The following GRB14 variants were observed in gnomAD, a reference collection of about 807,000 sequenced individuals.
GRB14 encodes growth factor receptor bound protein 14.
GRB14 carries 38 observed loss-of-function variants against 69.1 expected under a neutral mutation model. The observed-to-expected ratio is 0.55, with a 90% CI of 0.42 to 0.72. The LOEUF is 0.72. Among genes scored for constraint, GRB14 ranks in the 30% least tolerant of loss-of-function variants. GRB14 has a pLI of 0.00. For synonymous variants in GRB14, 247 were observed against 241.3 expected (o/e 1.02, Z -0.22); for missense variants, 666 against 666.1 (o/e 1.00, Z 0.00).
At chr2:164,588,592 A>G (rs1689589435) in intron 2 of GRB14, among the ~76,000 whole-genome samples, 1 of 152,214 alleles carries the variant, frequency 6.6e-6, no homozygotes, top group South Asian at 2.1e-4. Context: ...TAACTATGCA[A>G]TAATTATGCT....
intron 2 of GRB14, among the ~76,000 whole-genome samples, chr2:164,578,522 G>GCACACACACACACA (rs61283767): frequency 6.9e-6 from 1 of 145,588 alleles, no homozygotes; most frequent in African/African-American, 2.5e-5. Context: ...CAATTCGCGC[G>GCACACACACACACA]CACACACACA....
At chr2:164,570,916 C>A (rs1463714347) in intron 2 of GRB14, among the ~76,000 whole-genome samples, 2 of 152,154 alleles carry the variant, frequency 1.3e-5, no homozygotes, top group Non-Finnish European at 2.9e-5. Flanking sequence ...CTTCAGAACA[C>A]TGGAAAACTA....
At chr2:164,504,677 T>C (rs532982449) in intron 8 of GRB14, among the ~76,000 whole-genome samples, 24 of 152,254 alleles carry the variant, frequency 1.6e-4, no homozygotes, top group African/African-American at 5.3e-4. Context: ...TTCGCCATTA[T>C]TGAAATGAAC....
At chr2:164,606,244 A>G (rs996963523) in intron 2 of GRB14, among the ~76,000 whole-genome samples, 1 of 152,188 alleles carries the variant, frequency 6.6e-6, no homozygotes, top group Non-Finnish European at 1.5e-5. Flanking sequence ...GAGGAGGTCC[A>G]TCATTCCACA....
At chr2:164,542,491 C>G (rs1688266174) in intron 3 of GRB14, among the ~76,000 whole-genome samples, 1 of 152,082 alleles carries the variant, frequency 6.6e-6, no homozygotes, top group Non-Finnish European at 1.5e-5. Flanking sequence ...AAAATATTTG[C>G]AAACTATGCA....
chr2:164,617,959 T>TTG (rs760744590), intron 2 of GRB14, among the ~76,000 whole-genome samples: 2,122 of 77,008 alleles, frequency 0.028, 431 homozygotes, highest in Non-Finnish European at 0.043. Context: ...ATCTTTTTTT[T>TTG]GGGGGGGGGG....
intron 2 of GRB14, among the ~76,000 whole-genome samples, chr2:164,594,892 T>C (rs1689748347): frequency 6.6e-6 from 1 of 152,176 alleles, no homozygotes; most frequent in South Asian, 2.1e-4. Context: ...AGGTCAGACT[T>C]TACAGTAAAC....
chr2:164,503,376 T>C (rs921009286), intron 8 of GRB14, among the ~76,000 whole-genome samples: 1 of 142,566 alleles, frequency 7.0e-6, no homozygotes, highest in African/African-American at 2.6e-5. Flanking sequence ...GCTGTTTTTC[T>C]ACTAAAGAAA....
At chr2:164,577,110 G>T (rs753857674) in intron 2 of GRB14, among the ~76,000 whole-genome samples, 9 of 152,156 alleles carry the variant, frequency 5.9e-5, no homozygotes, top group Non-Finnish European at 1.3e-4. Flanking sequence ...AAGAAAGACA[G>T]TTGTCAAAGA....
chr2:164,586,209 G>C (rs1689535624), intron 2 of GRB14, among the ~76,000 whole-genome samples: 1 of 152,188 alleles, frequency 6.6e-6, no homozygotes, highest in South Asian at 2.1e-4. Context: ...ATAGATCTGG[G>C]AAGCATAGAG....
chr2:164,573,660 C>G, intron 2 of GRB14: 1 of 1,564,592 alleles, frequency 6.4e-7, no homozygotes, highest in Non-Finnish European at 8.7e-7. Context: ...CTTTATGGTT[C>G]TTCAGTAGAA....
In GRB14 at chr2:164,621,426, G is replaced by T; in HGVS notation, c.-117C>A. The T allele has an allele frequency of 3.6e-6, 3 of 831,024 alleles. No homozygotes were observed. Among genetic ancestry groups the T allele is most frequent in the Non-Finnish European group, 4.8e-6 (3 of 626,442 alleles). 51.5% of individuals were successfully genotyped at this position (831,024 alleles called of 1,614,324 possible). A position where few individuals can be genotyped will look rare whatever the true frequency, so the allele number is the denominator to read the frequency against. On this transcript the variant is annotated 5_prime_UTR_variant, in exon 1 of 14. Transcript: ENST00000263915. This position sits in a 1 kb window ranked among gnomAD's most constrained non-coding sequence, Gnocchi z 6.0. ...GCCCGAGCGCTCTGCAGGTGTGGTGGCCTCGCCGCCTGCGCTCGGGGCCCC... is the reference window on the plus strand; with the variant it reads ...GCCCGAGCGCTCTGCAGGTGTGGTGTCCTCGCCGCCTGCGCTCGGGGCCCC...
chr2:164,518,090 CA>C (rs1354507438), intron 6 of GRB14, among the ~76,000 whole-genome samples: 3 of 152,172 alleles, frequency 2.0e-5, no homozygotes, highest in Non-Finnish European at 4.4e-5. Context: ...GCACACAGAA[CA>C]TTCTCCAAGG....
chr2:164,599,622 A>G (rs1245193877), intron 2 of GRB14, among the ~76,000 whole-genome samples: 3 of 152,254 alleles, frequency 2.0e-5, no homozygotes, highest in African/African-American at 4.8e-5. Flanking sequence ...GAGAATTGAT[A>G]GAAGCATATA....
intron 2 of GRB14, chr2:164,573,705 G>A: frequency 6.2e-7 from 1 of 1,600,714 alleles, no homozygotes; most frequent in Non-Finnish European, 8.6e-7. Context: ...AGGAGCCTCT[G>A]ACCTGCTATT....
At chr2:164,555,655 A>C (rs1405636794) in intron 2 of GRB14, among the ~76,000 whole-genome samples, 1 of 150,384 alleles carries the variant, frequency 6.6e-6, no homozygotes, top group Non-Finnish European at 1.5e-5. Context: ...AATTTATTTT[A>C]AATATCATAT....
At chr2:164,537,037 A>G (rs940135462) in intron 3 of GRB14, among the ~76,000 whole-genome samples, 5 of 152,098 alleles carry the variant, frequency 3.3e-5, no homozygotes, top group African/African-American at 9.7e-5. Flanking sequence ...ACAGCCCTGG[A>G]GCAGCAGCAG....
chr2:164,508,817 G>T lies in GRB14; in HGVS notation c.852C>A (p.Gly284=). The T allele has an allele frequency of 1.9e-6, 3 of 1,577,052 alleles. No homozygotes were observed. The highest frequency in any genetic ancestry group is 1.4e-5 in the African/African-American group (1 of 72,130). ...PRHLQFFSEF[G]NSDIYVSLAG... is the part of the protein sequence containing the mutation. ...CCAGTGACACATAAATATCACTATT[G>T]CCAAATTCGCTGAAAAACTGCAAAT... The change falls in exon 7 of 14, where the codon GGC becomes GGA. Residue 284 remains glycine, a synonymous_variant. Transcript: ENST00000263915.
chr2:164,603,672 ATAT>A lies in GRB14; in HGVS notation c.324+16012_324+16014del, dbSNP rs761893701. 4.6e-4 allele frequency among the ~76,000 whole-genome samples: 63 copies of A among 137,192 alleles called. 1 individual carries two copies. Among genetic ancestry groups the A allele is most frequent in the African/African-American group, 1.5e-3 (52 of 35,062 alleles). The allele number at this position is 137,192 out of a possible 152,430, so 90.0% of individuals were successfully genotyped here. ...AGTGAGACACCACCTCAAAAAAAAA[ATAT>A]ATATATATTAACTCGACGAAAAAAT... On this transcript the variant is annotated intron_variant, in intron 2 of 13. Transcript: ENST00000263915.
Sources: allele counts gnomAD v4.1 joint callset (sites outside exome capture counted in the v4.1 genomes callset), GRCh38; gene constraint gnomAD v4.1.1; non-coding constraint Gnocchi (gnomAD v3.1); transcripts MANE v1.5; gene names NCBI Gene and HGNC (gene_info 2026-07-23, HGNC 2026-07-21).